The following ENPP1 variants were observed in gnomAD, a reference collection of about 807,000 sequenced individuals.
The protein encoded by ENPP1 is ectonucleotide pyrophosphatase/phosphodiesterase family member 1.
In ENPP1, 73 loss-of-function variants were observed where a neutral mutation model predicts 122.8. The observed-to-expected ratio is 0.59, with a 90% CI of 0.49 to 0.72. The LOEUF (loss-of-function observed/expected upper bound fraction) is 0.72, where lower values mean the gene tolerates loss of function less well. ENPP1 is among the 30% of genes least tolerant of loss of function. The pLI, the probability that ENPP1 is intolerant of heterozygous loss-of-function variation, is 0.00. For synonymous variants in ENPP1, 367 were observed against 391.6 expected, an observed-to-expected ratio of 0.94 and a Z score of 0.74; for missense variants, 978 against 1,128.1, an observed-to-expected ratio of 0.87 and a Z score of 1.91.
At chr6:131,875,018 G>A (rs1024653001) in intron 16 of ENPP1, among the ~76,000 whole-genome samples, 4 of 152,006 alleles carry the variant, frequency 2.6e-5, no homozygotes, top group African/African-American at 7.3e-5. Flanking sequence ...AGGCAAACAC[G>A]GACATACAGA....
chr6:131,877,333 C>A (rs1046261868), intron 18 of ENPP1, 172 bp downstream of exon 18: 13 of 698,200 alleles, frequency 1.9e-5, no homozygotes, highest in African/African-American at 5.4e-5. Flanking sequence ...TATCTTTTCT[C>A]TTTCTAGTTT....
At chr6:131,823,015 C>T (rs1039862725) in intron 1 of ENPP1, among the ~76,000 whole-genome samples, 4 of 152,206 alleles carry the variant, frequency 2.6e-5, no homozygotes, top group South Asian at 2.1e-4. Context: ...TTCCCACACG[C>T]GGGATAACAG....
intron 1 of ENPP1, among the ~76,000 whole-genome samples, chr6:131,813,032 G>T (rs573069157): frequency 2.8e-4 from 42 of 151,998 alleles, no homozygotes; most frequent in African/African-American, 1.0e-3. Context: ...GTAGAGACAG[G>T]GTTTCACTTT....
chr6:131,863,443 T>C (rs1782048015), intron 9 of ENPP1, among the ~76,000 whole-genome samples: 1 of 152,176 alleles, frequency 6.6e-6, no homozygotes, highest in Admixed American at 6.5e-5. Context: ...ACAAAATCAA[T>C]ACAACAATGC....
intron 1 of ENPP1, among the ~76,000 whole-genome samples, chr6:131,817,709 C>G (rs902472609): frequency 6.6e-6 from 1 of 151,056 alleles, no homozygotes; most frequent in Non-Finnish European, 1.5e-5. Flanking sequence ...CTATCTCTCT[C>G]TCTCTCTCAA....
intron 23 of ENPP1, among the ~76,000 whole-genome samples, chr6:131,886,131 G>C (rs893535705): frequency 1.3e-5 from 2 of 152,176 alleles, no homozygotes; most frequent in African/African-American, 4.8e-5. Context: ...ATGACAACAT[G>C]TCCTCTCTGA....
At chr6:131,883,335 C>T (rs542144305) in intron 21 of ENPP1, among the ~76,000 whole-genome samples, 68 of 152,268 alleles carry the variant, frequency 4.5e-4, no homozygotes, top group African/African-American at 1.5e-3. Context: ...GTTCTGGAGC[C>T]AGATGTTCTC....
intron 1 of ENPP1, among the ~76,000 whole-genome samples, chr6:131,821,775 A>G (rs1403607919): frequency 6.6e-6 from 1 of 152,200 alleles, no homozygotes; most frequent in Non-Finnish European, 1.5e-5. Context: ...CAATGGAACT[A>G]TCCAATTCCA....
At chr6:131,812,359 C>G (rs1209178142) in intron 1 of ENPP1, among the ~76,000 whole-genome samples, 4 of 152,134 alleles carry the variant, frequency 2.6e-5, no homozygotes, top group Non-Finnish European at 5.9e-5. Context: ...AGGAAGATGT[C>G]CACTTAGGCA....
intron 1 of ENPP1, chr6:131,826,501 T>C (rs1396796196): frequency 9.2e-7 from 1 of 1,087,168 alleles, no homozygotes; most frequent in Non-Finnish European, 1.4e-6. Context: ...ATTCTGAAGA[T>C]GCTGACAGCC....
At chr6:131,828,088 G>A (rs543009833) in intron 1 of ENPP1, 9 of 617,368 alleles carry the variant, frequency 1.5e-5, no homozygotes, top group Admixed American at 3.7e-5. Flanking sequence ...GCTGTTTCTC[G>A]TAACAGACAG....
At chr6:131,854,065 T>G (rs113081737) in intron 5 of ENPP1, among the ~76,000 whole-genome samples, 16 of 152,194 alleles carry the variant, frequency 1.1e-4, no homozygotes, top group African/African-American at 3.9e-4. Context: ...CTCAAACTTT[T>G]GTATTAAGTA....
chr6:131,831,723 G>C (rs1267043071), intron 1 of ENPP1, among the ~76,000 whole-genome samples: 2 of 152,148 alleles, frequency 1.3e-5, no homozygotes, highest in African/African-American at 4.8e-5. Flanking sequence ...CATTTCAAGA[G>C]TATCTGCTAT....
Position 131,890,652 on chromosome 6 carries a change from G to A in ENPP1, c.*141G>A. ...CCCTCGGTGATGCGGACATCTCAGG[G>A]AAACTTGCGTACTCAGCACAGCAGT... On this transcript the variant is annotated 3_prime_UTR_variant, in exon 25 of 25. Transcript: ENST00000647893. The A allele has an allele frequency of 1.4e-6, 1 of 731,820 alleles. No individual in the cohort carries two copies. The highest frequency in any genetic ancestry group is 1.5e-5 in the South Asian group (1 of 64,980). The allele number at this position is 731,820 out of a possible 1,614,324, so 45.3% of individuals were successfully genotyped here. A position where few individuals can be genotyped will look rare whatever the true frequency, so the allele number is the denominator to read the frequency against.
chr6:131,877,874 T>A (rs1338897559), intron 18 of ENPP1: 527 of 97,326 alleles, frequency 5.4e-3, no homozygotes, highest in African/African-American at 8.1e-3. Flanking sequence ...AAAATATATA[T>A]ATATATATAT....
chr6:131,815,416 C>T (rs1014265764), intron 1 of ENPP1, among the ~76,000 whole-genome samples: 1 of 152,192 alleles, frequency 6.6e-6, no homozygotes, highest in Non-Finnish European at 1.5e-5. Flanking sequence ...GAATCTTGTT[C>T]TGGTATTTCT....
chr6:131,833,027 TATCTC>T lies in ENPP1; in HGVS notation c.241-14748_241-14744del, dbSNP rs558726471. On this transcript the variant is annotated intron_variant, in intron 1 of 24. Coordinates refer to ENST00000647893, the MANE Select transcript of ENPP1 (RefSeq NM_006208.3). ...CAATTCCAAACACTGCTACAATAAA[TATCTC>T]TGTGTGCATATCTTTGTGTGCTTAT... Among the ~76,000 whole-genome samples the T allele has an allele frequency of 2.6e-4, 40 of 152,380 alleles. 1 individual carries two copies. The East Asian group carries it at 7.7e-3, about 29-fold the overall frequency.
intron 6 of ENPP1, among the ~76,000 whole-genome samples, chr6:131,857,062 T>A (rs1195155104): frequency 1.3e-5 from 2 of 152,138 alleles, no homozygotes; most frequent in East Asian, 3.9e-4. Flanking sequence ...TGGCATTGAA[T>A]CTGTAAATTA....
chr6:131,886,745 T>C, intron 24 of ENPP1, 21 bp downstream of exon 24: 1 of 1,605,710 alleles, frequency 6.2e-7, no homozygotes. Flanking sequence ...TTTGTATATT[T>C]ACTTTGCATG....
Sources: allele counts gnomAD v4.1 joint callset (sites outside exome capture counted in the v4.1 genomes callset), GRCh38; gene constraint gnomAD v4.1.1; transcripts MANE v1.5; gene names NCBI Gene and HGNC (gene_info 2026-07-23, HGNC 2026-07-21).